Variants in RCC1L observed in about 807,000 individuals in gnomAD.
RCC1L encodes RCC1 like.
Under a neutral mutation model 58.6 loss-of-function variants are expected in RCC1L, and 46 were observed. The observed-to-expected ratio is 0.79, with a 90% CI of 0.62 to 1.00. RCC1L has a LOEUF of 1.00. Among genes scored for constraint, RCC1L ranks in the 50% least tolerant of loss-of-function variants. The pLI, the probability that RCC1L is intolerant of heterozygous loss-of-function variation, is 0.00. For missense variants in RCC1L, 636 were observed against 623.6 expected (o/e 1.02, Z -0.21); for synonymous variants, 281 against 262.9 (o/e 1.07, Z -0.67).
chr7:75,031,090 TC>T (rs1315624734), intron 10 of RCC1L, among the ~76,000 whole-genome samples: 3 of 152,196 alleles, frequency 2.0e-5, no homozygotes, highest in Non-Finnish European at 4.4e-5. Context: ...TGAGCAGAGT[TC>T]CCTCTAAAAG....
chr7:75,063,541 T>C (rs1806348747), intron 4 of RCC1L, among the ~76,000 whole-genome samples, 198 bp from the exon 5 acceptor site: 12 of 152,134 alleles, frequency 7.9e-5, no homozygotes, highest in Admixed American at 7.9e-4. Flanking sequence ...TAGGTGATTT[T>C]AACACATGGC....
rs1554446518 is a variant in RCC1L, at chr7:75,073,615, G to A, written c.123C>T (p.Ala41=). ...ACTGGACCACGGGCACCTCCGCCTC[G>A]GCTTCTGCCGCTTCGCGCCGGCTCC... is the stretch of plus-strand genomic sequence containing the variant. The part of the protein sequence containing the change: ...RSRSRREAAE[A]EAEVPVVQYV... Residue 41 remains alanine, a synonymous_variant, in exon 1 of 11, where the codon GCC becomes GCT. Coordinates refer to ENST00000610322, the MANE Select transcript of RCC1L (RefSeq NM_030798.5). The A allele has an allele frequency of 1.3e-6, 2 of 1,513,916 alleles. No homozygotes were observed. Among genetic ancestry groups the A allele is most frequent in the South Asian group, 1.2e-5 (1 of 80,516 alleles). 93.8% of individuals were successfully genotyped at this position (1,513,916 alleles called of 1,614,324 possible).
chr7:75,030,223 A>G (rs1186118134), intron 10 of RCC1L, among the ~76,000 whole-genome samples: 1 of 152,204 alleles, frequency 6.6e-6, no homozygotes, highest in African/African-American at 2.4e-5. Context: ...ACGTTTGTGC[A>G]TGTACCTGTG....
chr7:75,057,745 C>A, intron 7 of RCC1L, 129 bp from the exon 8 acceptor site: 1 of 838,696 alleles, frequency 1.2e-6, no homozygotes. Context: ...TCCTGAACAT[C>A]ACATGCCAAG....
intron 7 of RCC1L, 127 bp from the exon 8 acceptor site, chr7:75,057,743 A>AT: frequency 1.2e-6 from 1 of 840,974 alleles, no homozygotes; most frequent in Admixed American, 2.0e-5. Flanking sequence ...CTTCCTGAAC[A>AT]TCACATGCCA....
intron 7 of RCC1L, among the ~76,000 whole-genome samples, chr7:75,058,360 C>T (rs1327869813): frequency 2.0e-5 from 3 of 151,742 alleles, no homozygotes; most frequent in African/African-American, 7.3e-5. Context: ...TCCCCAGTAC[C>T]TGGGATTACA....
intron 8 of RCC1L, chr7:75,056,819 A>C: frequency 8.2e-7 from 1 of 1,219,556 alleles, no homozygotes; most frequent in Non-Finnish European, 1.2e-6. Context: ...TCCCATGGCC[A>C]TAGTCCCTTC....
chr7:75,070,297 G>A lies in RCC1L; in HGVS notation c.454+343C>T, dbSNP rs112896763. Among the ~76,000 whole-genome samples, 471 of 152,198 alleles carry A rather than the reference G, an allele frequency of 3.1e-3. 3 individuals are homozygous for A. Among genetic ancestry groups the A allele is most frequent in the African/African-American group, 0.011 (448 of 41,546 alleles). Reference sequence around the variant, plus strand: ...TTGAACACCAAAGGGAGGGCTGGGCGCTGTGCCTCATGCCTGTAATCACAG... The same window carrying A: ...TTGAACACCAAAGGGAGGGCTGGGCACTGTGCCTCATGCCTGTAATCACAG... On this transcript the variant is annotated intron_variant, in intron 2 of 10. Transcript: ENST00000610322.
chr7:75,029,684 C>T (rs1453767435), intron 10 of RCC1L, among the ~76,000 whole-genome samples: 1 of 152,094 alleles, frequency 6.6e-6, no homozygotes, highest in Non-Finnish European at 1.5e-5. Context: ...AAGCGCTTTG[C>T]ATGGGGATGG....
At position 75,056,632 on chromosome 7, in the gene RCC1L, T is replaced by C. The variant is rs997188438; in HGVS notation, c.1058-558A>G. 7.2e-6 allele frequency: 11 copies of C among 1,535,130 alleles called. No individual in the cohort carries two copies. In the Admixed American group the frequency reaches 7.9e-5, roughly 11 times the overall value. On this transcript the variant is annotated intron_variant, in intron 8 of 10. Transcript: ENST00000610322. Reference sequence around the variant, plus strand: ...TTGGCTGGAGAAGGCAGAGCTGGAGTCTCTCTGGCCCAGGCTAAGGGAGGG... The same window carrying C: ...TTGGCTGGAGAAGGCAGAGCTGGAGCCTCTCTGGCCCAGGCTAAGGGAGGG...
rs1563069871 is a variant in RCC1L, at chr7:75,036,660, G to A, written c.1318-8581C>T. Among the ~76,000 whole-genome samples the A allele has an allele frequency of 3.3e-5, 5 of 152,130 alleles. No individual in the cohort carries two copies. In the South Asian group the frequency reaches 1.0e-3, roughly 32 times the overall value. On this transcript the variant is annotated intron_variant, in intron 10 of 10. Transcript: ENST00000614461. The stretch of plus-strand genomic sequence containing the variant: ...TGTAATCCCAGCACTTTGGGAGGCC[G>A]AGGTGGGCGGATTACATGAAGCCAG...
At chr7:75,054,416 C>T (rs1381337912) in intron 9 of RCC1L, among the ~76,000 whole-genome samples, 1 of 152,154 alleles carries the variant, frequency 6.6e-6, no homozygotes, top group Non-Finnish European at 1.5e-5. Flanking sequence ...AAAGGAATTT[C>T]ATTTCGCTGT....
intron 4 of RCC1L, 37 bp downstream of exon 4, chr7:75,064,545 C>T: frequency 3.1e-6 from 5 of 1,612,040 alleles, no homozygotes; most frequent in Non-Finnish European, 4.2e-6. Flanking sequence ...TGACACTTAA[C>T]TCAACATGGG....
rs587598697 is a variant in RCC1L at position 75,044,384 on chromosome 7, A to G, written c.1318-1275T>C. The stretch of plus-strand genomic sequence containing the variant: ...GGGAGGCTGAGGTGGACTCCACTTG[A>G]GGTCAGGAGTTCAAGACCAGCCTGG... On this transcript the variant is annotated intron_variant, in intron 10 of 10. Coordinates refer to ENST00000610322, the MANE Select transcript of RCC1L (RefSeq NM_030798.5). Among the ~76,000 whole-genome samples the G allele has an allele frequency of 2.3e-4, 35 of 150,928 alleles. 1 individual carries two copies. In the South Asian group the frequency reaches 7.1e-3, roughly 31 times the overall value.
intron 10 of RCC1L, among the ~76,000 whole-genome samples, chr7:75,029,362 CT>C (rs1177516960): frequency 0.22 from 28,108 of 126,086 alleles, 2,726 homozygotes; most frequent in Middle Eastern, 0.38. Flanking sequence ...ATGGGGGGAT[CT>C]TTTTTTTTTT....
intron 2 of RCC1L, among the ~76,000 whole-genome samples, chr7:75,070,211 C>T (rs1008682985): frequency 9.2e-5 from 14 of 152,292 alleles, no homozygotes; most frequent in African/African-American, 3.4e-4. Context: ...TGGTTTCAAA[C>T]AACATCCCTT....
chr7:75,048,843 C>T (rs981632061), intron 10 of RCC1L, among the ~76,000 whole-genome samples: 65 of 152,320 alleles, frequency 4.3e-4, no homozygotes, highest in Non-Finnish European at 2.1e-4. Context: ...GGTGGGTGGC[C>T]GTGGAAAGAC....
Position 75,073,426 on chromosome 7 carries a change from C to A in RCC1L, c.312G>T (p.Glu104Asp). Reference protein sequence around the residue: ...RRIQPVPYRLELDQKISSAAC... With the variant: ...RRIQPVPYRLDLDQKISSAAC... ...CCGCGGCCTGCACCTTTTGGTCCAG[C>A]TCCAGGCGATAGGGCACGGGCTGGA... is the stretch of plus-strand genomic sequence containing the variant. The change falls in exon 1 of 11, where the codon GAG (glutamate) becomes GAT (aspartate). Residue 104 changes from glutamate (E) to aspartate (D), a missense_variant. By Grantham distance (45) the Glu-to-Asp change is conservative (BLOSUM62 2). Coordinates refer to ENST00000610322, the MANE Select transcript of RCC1L (RefSeq NM_030798.5). The A allele has an allele frequency of 7.6e-7, 1 of 1,310,154 alleles. No individual in the cohort carries two copies. The highest frequency in any genetic ancestry group is 1.8e-5 in the South Asian group (1 of 55,018). The allele number at this position is 1,310,154 out of a possible 1,614,324, so 81.2% of individuals were successfully genotyped here. A position where few individuals can be genotyped will look rare whatever the true frequency, so the allele number is the denominator to read the frequency against.
At chr7:75,037,790 T>TGA (rs1805460884), downstream of RCC1L, among the ~76,000 whole-genome samples, 1 of 152,036 alleles carries the variant, frequency 6.6e-6, no homozygotes, top group African/African-American at 2.4e-5. Context: ...ATTACAGGCG[T>TGA]GAGCCACCAC....
Sources: allele counts gnomAD v4.1 joint callset (sites outside exome capture counted in the v4.1 genomes callset), GRCh38; gene constraint gnomAD v4.1.1; transcripts MANE v1.5; gene names NCBI Gene and HGNC (gene_info 2026-07-23, HGNC 2026-07-21).